The following SUMF2 variants were observed in gnomAD, a reference collection of about 807,000 sequenced individuals.
SUMF2 encodes inactive C-alpha-formylglycine-generating enzyme 2.
A neutral mutation model predicts 44.8 loss-of-function variants in SUMF2; 45 were observed. That is an observed-to-expected ratio of 1.00 (90% CI 0.79 to 1.29). The LOEUF is 1.29. Among genes scored for constraint, SUMF2 ranks in the 50% most tolerant of loss-of-function variants. SUMF2 has a pLI of 0.00. For missense variants in SUMF2, 418 were observed against 389.9 expected (o/e 1.07, Z -0.61); for synonymous variants, 148 against 150.4 (o/e 0.98, Z 0.12).
At chr7:56,083,519 A>G, downstream of SUMF2, 1 of 1,556,488 alleles carries the variant, frequency 6.4e-7, no homozygotes, top group Non-Finnish European at 8.8e-7. Flanking sequence ...CTCACATTTC[A>G]GCCACACTGC....
At chr7:56,071,184 T>C (rs780720566) in intron 2 of SUMF2, among the ~76,000 whole-genome samples, 2 of 151,650 alleles carry the variant, frequency 1.3e-5, no homozygotes, top group African/African-American at 4.8e-5. Context: ...CTGGGCAACA[T>C]AGTGAGACCC....
In SUMF2 at chr7:56,079,908, C is replaced by A; in HGVS notation, c.*296C>A. ...AAACACACAAACAATTGGAACAGAGCACTCTGAAAGGCCATTTTTTAAGCA... is the reference window on the plus strand; with the variant it reads ...AAACACACAAACAATTGGAACAGAGAACTCTGAAAGGCCATTTTTTAAGCA... On this transcript the variant is annotated 3_prime_UTR_variant, in exon 9 of 9. Transcript: ENST00000434526. 6.8e-7 allele frequency: 1 copy of A among 1,477,340 alleles called. No homozygotes were observed. The highest frequency in any genetic ancestry group is 1.3e-5 in the South Asian group (1 of 74,354). 91.5% of individuals were successfully genotyped at this position (1,477,340 alleles called of 1,614,324 possible). A position where few individuals can be genotyped will look rare whatever the true frequency, so the allele number is the denominator to read the frequency against.
rs1794587943 is a variant in SUMF2, at chr7:56,064,323, T to C, written c.12T>C (p.His4=). 1 of 1,597,422 alleles carries C rather than the reference T, an allele frequency of 6.3e-7. No homozygotes were observed. The highest frequency in any genetic ancestry group is 8.5e-7 in the Non-Finnish European group (1 of 1,172,526). The change falls in exon 1 of 9, where the codon CAT becomes CAC. Residue 4 remains histidine (H), a synonymous_variant. Coordinates refer to ENST00000434526, the MANE Select transcript of SUMF2 (RefSeq NM_015411.4). ...GCGCGGCAGTCCTGATGGCCCGGCA[T>C]GGGTTACCGCTGCTGCCCCTGCTGT... The part of the protein sequence containing the change: MAR[H]GLPLLPLLSL...
chr7:56,068,614 T>C lies in SUMF2; in HGVS notation c.200T>C (p.Phe67Ser). The C allele has an allele frequency of 6.2e-7, 1 of 1,613,820 alleles. No homozygotes were observed. The highest frequency in any genetic ancestry group is 8.5e-7 in the Non-Finnish European group (1 of 1,179,872). The stretch of plus-strand genomic sequence containing the variant: ...GTGAAACCCTTTGCCATCGACATAT[T>C]TCCTGTCACCAACAAAGATTTCAGG... ...ATVKPFAIDIFPVTNKDFRDF... is the reference protein window; with the variant it reads ...ATVKPFAIDISPVTNKDFRDF... Residue 67 changes from phenylalanine to serine, a missense_variant, in exon 2 of 9, where the codon TTT (phenylalanine) becomes TCT (serine). Physicochemically the swap from Phe to Ser is radical, Grantham distance 155. Coordinates refer to ENST00000434526, the MANE Select transcript of SUMF2 (RefSeq NM_015411.4).
intron 3 of SUMF2, 179 bp downstream of exon 3, chr7:56,073,290 C>T: frequency 1.5e-6 from 1 of 670,720 alleles, no homozygotes; most frequent in Admixed American, 2.1e-5. Flanking sequence ...GGAAGTTAAC[C>T]CTGAACCCAA....
At chr7:56,083,148 C>T, downstream of SUMF2, 5 of 772,896 alleles carry the variant, frequency 6.5e-6, no homozygotes, top group South Asian at 8.0e-5. Context: ...AAATCCCTAG[C>T]CCTTGAAATG....
intron 1 of SUMF2, among the ~76,000 whole-genome samples, chr7:56,064,842 C>T (rs1023560925): frequency 2.2e-5 from 3 of 133,478 alleles, no homozygotes; most frequent in African/African-American, 8.7e-5. Flanking sequence ...GAGATCGTGC[C>T]ATTGCATTCC....
chr7:56,073,020 A>G lies in SUMF2; in HGVS notation c.248A>G (p.Tyr83Cys). ...AGGGATTTTGTCAGGGAGAAAAAGTATCGGACAGAAGCTGAGATGTTTGGA... is the reference window on the plus strand; with the variant it reads ...AGGGATTTTGTCAGGGAGAAAAAGTGTCGGACAGAAGCTGAGATGTTTGGA... ...DFRDFVREKK[Y>C]RTEAEMFGWS... The change falls in exon 3 of 9, where the codon TAT becomes TGT. Residue 83 changes from tyrosine (Y) to cysteine (C), a missense_variant. Transcript: ENST00000434526. 6.2e-7 allele frequency: 1 copy of G among 1,614,164 alleles called. No individual in the cohort carries two copies. Among genetic ancestry groups the G allele is most frequent in the Non-Finnish European group, 8.5e-7 (1 of 1,180,004 alleles).
chr7:56,087,826 G>A, the SUMF2 span: 66,786 of 1,500,218 alleles, frequency 0.045, 1,995 homozygotes, highest in Admixed American at 0.13. Context: ...ACCCCATGGG[G>A]GGTCCCAGAT....
At chr7:56,071,023 G>A (rs753460182) in intron 2 of SUMF2, among the ~76,000 whole-genome samples, 3 of 152,204 alleles carry the variant, frequency 2.0e-5, no homozygotes, top group South Asian at 2.1e-4. Flanking sequence ...GGAGGTGACC[G>A]ATGGAACTAT....
At chr7:56,074,477 C>G in intron 4 of SUMF2, 109 bp from the exon 5 acceptor site, 1 of 1,422,642 alleles carries the variant, frequency 7.0e-7, no homozygotes, top group African/African-American at 1.4e-5. Context: ...TCTCTTCCAG[C>G]TCTCTTGCTC....
intron 5 of SUMF2, among the ~76,000 whole-genome samples, chr7:56,075,092 T>G (rs1795450071): frequency 6.6e-6 from 1 of 151,540 alleles, no homozygotes. Context: ...AACAAGACCC[T>G]GTCTCAAAAG....
At position 56,064,384 on chromosome 7, in the gene SUMF2, T is replaced by C. The variant is rs1344911196; in HGVS notation, c.67+6T>C. ...CGGCGCGTGGCTCAAGCTAGGTCAG[T>C]GAACCGGCCGTCCATCCTGGGGGCG... is the stretch of plus-strand genomic sequence containing the variant. On this transcript the variant is annotated splice_donor_region_variant and intron_variant, in intron 1 of 8. Transcript: ENST00000434526. 6 of 1,600,632 alleles carry C rather than the reference T, an allele frequency of 3.7e-6. No individual in the cohort carries two copies. In the South Asian group the frequency reaches 6.7e-5, roughly 18 times the overall value.
At position 56,064,358 on chromosome 7, in the gene SUMF2, T is replaced by C. The variant is rs1054270698; in HGVS notation, c.47T>C (p.Val16Ala). The change falls in exon 1 of 9, where the codon GTC (valine) becomes GCC (alanine). Residue 16 changes from valine (V) to alanine (A), a missense_variant. Val to Ala is a moderately conservative substitution (Grantham distance 64). Coordinates refer to ENST00000434526, the MANE Select transcript of SUMF2 (RefSeq NM_015411.4). The stretch of plus-strand genomic sequence containing the variant: ...CTGCTGCCCCTGCTGTCGCTCCTGG[T>C]CGGCGCGTGGCTCAAGCTAGGTCAG... The part of the protein sequence containing the change: ...LPLLPLLSLL[V>A]GAWLKLGNGQ... 1.9e-6 allele frequency: 3 copies of C among 1,604,270 alleles called. No individual in the cohort carries two copies. The highest frequency in any genetic ancestry group is 2.7e-5 in the African/African-American group (2 of 74,806).
downstream of SUMF2, chr7:56,083,170 A>G: frequency 1.0e-6 from 1 of 970,030 alleles, no homozygotes; most frequent in Non-Finnish European, 1.5e-6. Context: ...TGGAATTTTT[A>G]TTCCAGGGAA....
chr7:56,085,791 C>T, the SUMF2 span, among the ~76,000 whole-genome samples: 1 of 152,028 alleles, frequency 6.6e-6, no homozygotes, highest in South Asian at 2.1e-4. Flanking sequence ...ATGGCAAAAC[C>T]CTGTCTCTAC....
chr7:56,079,050 T>G (rs950268514), intron 8 of SUMF2: 4 of 547,448 alleles, frequency 7.3e-6, no homozygotes, highest in Non-Finnish European at 9.9e-6. Flanking sequence ...GTGCGGCTAA[T>G]TTTTGTAGAG....
intron 2 of SUMF2, among the ~76,000 whole-genome samples, chr7:56,069,755 T>C (rs1795041627): frequency 6.6e-6 from 1 of 152,032 alleles, no homozygotes; most frequent in South Asian, 2.1e-4. Flanking sequence ...TATTTTGTTT[T>C]GTATTTTTGG....
chr7:56,076,802 C>G, intron 5 of SUMF2, 32 bp from the exon 6 acceptor site: 2 of 1,567,832 alleles, frequency 1.3e-6, no homozygotes, highest in Non-Finnish European at 1.7e-6. Flanking sequence ...TTCACCTCCC[C>G]CTCCTCTGCT....
Sources: gnomAD v4.1 joint callset for allele counts (sites outside exome capture counted in the v4.1 genomes callset) on GRCh38, gnomAD v4.1.1 for gene constraint, MANE v1.5 for transcripts, NCBI Gene and HGNC (gene_info 2026-07-23, HGNC 2026-07-21) for gene names.